The following GLT8D2 variants were observed in gnomAD, a reference collection of about 807,000 sequenced individuals.
The protein encoded by GLT8D2 is glycosyltransferase 8 domain containing 2.
In GLT8D2, 45 loss-of-function variants were observed where a neutral mutation model predicts 44.5. The ratio of observed to expected loss-of-function variants is 1.01; its 90% CI spans 0.80 to 1.30. The LOEUF (loss-of-function observed/expected upper bound fraction) is 1.30, where lower values mean the gene tolerates loss of function less well. Among genes scored for constraint, GLT8D2 ranks in the 50% most tolerant of loss-of-function variants. GLT8D2 has a pLI of 0.00. For missense variants in GLT8D2, 400 were observed against 430.4 expected (o/e 0.93, Z 0.62); for synonymous variants, 156 against 157.2 (o/e 0.99, Z 0.06).
At chr12:104,009,419 T>C (rs1875525844) in intron 4 of GLT8D2, among the ~76,000 whole-genome samples, 1 of 152,264 alleles carries the variant, frequency 6.6e-6, no homozygotes, top group Admixed American at 6.5e-5. Context: ...TGGCTGTATT[T>C]ACCAAATACC....
chr12:104,037,859 C>T (rs1189362673), intron 1 of GLT8D2, among the ~76,000 whole-genome samples: 1 of 152,156 alleles, frequency 6.6e-6, no homozygotes, highest in African/African-American at 2.4e-5. Flanking sequence ...GAATTTTAGA[C>T]CAATATCCCT....
chr12:104,057,073 C>T (rs1038739548), intron 1 of GLT8D2, among the ~76,000 whole-genome samples: 1 of 152,122 alleles, frequency 6.6e-6, no homozygotes, highest in African/African-American at 2.4e-5. Context: ...TGTTCAACTC[C>T]AGATGGGCAT....
At chr12:104,056,439 G>A (rs907044698) in intron 1 of GLT8D2, among the ~76,000 whole-genome samples, 4 of 152,202 alleles carry the variant, frequency 2.6e-5, no homozygotes, top group Non-Finnish European at 5.9e-5. Flanking sequence ...GCCACCTCCA[G>A]CACCAGATTC....
At chr12:104,051,081 T>C (rs1310478764), upstream of GLT8D2, among the ~76,000 whole-genome samples, 3 of 152,024 alleles carry the variant, frequency 2.0e-5, no homozygotes, top group African/African-American at 7.2e-5. Flanking sequence ...CCCAAAGTGC[T>C]GGGATTACAG....
At chr12:104,025,667 T>C (rs1320185420) in intron 1 of GLT8D2, among the ~76,000 whole-genome samples, 1 of 152,256 alleles carries the variant, frequency 6.6e-6, no homozygotes, top group Non-Finnish European at 1.5e-5. Flanking sequence ...TCATGAAATG[T>C]AGATTAAACT....
At chr12:104,016,759 GAAA>G (rs1876760517) in intron 3 of GLT8D2, among the ~76,000 whole-genome samples, 1 of 95,860 alleles carries the variant, frequency 1.0e-5, no homozygotes, top group Non-Finnish European at 2.2e-5. Flanking sequence ...AAGAAAGAAA[GAAA>G]GAAAGAAAGA....
upstream of GLT8D2, among the ~76,000 whole-genome samples, chr12:104,051,522 A>G (rs1881727133): frequency 6.6e-6 from 1 of 152,154 alleles, no homozygotes; most frequent in Admixed American, 6.5e-5. Context: ...TGATGTTTCA[A>G]TATACAATGT....
intron 4 of GLT8D2, chr12:104,012,895 C>A: frequency 1.5e-6 from 1 of 674,092 alleles, no homozygotes; most frequent in Non-Finnish European, 2.7e-6. Context: ...AGAGAAAAGG[C>A]CACGTGAGGA....
upstream of GLT8D2, among the ~76,000 whole-genome samples, chr12:104,053,397 G>A (rs912225122): frequency 6.6e-6 from 1 of 152,186 alleles, no homozygotes; most frequent in Non-Finnish European, 1.5e-5. Flanking sequence ...AAGAAACAGA[G>A]GATATGCATG....
At chr12:104,004,224 G>A (rs997031198) in intron 4 of GLT8D2, among the ~76,000 whole-genome samples, 6 of 152,008 alleles carry the variant, frequency 3.9e-5, no homozygotes, top group African/African-American at 1.2e-4. Context: ...TTGATGGGAC[G>A]TATCTCAAAA....
chr12:104,033,559 G>T (rs956369804), intron 1 of GLT8D2, among the ~76,000 whole-genome samples: 1 of 152,082 alleles, frequency 6.6e-6, no homozygotes, highest in Non-Finnish European at 1.5e-5. Flanking sequence ...AGATGAGCAA[G>T]TTCTGGAGAC....
chr12:103,996,595 T>A, intron 8 of GLT8D2, 140 bp downstream of exon 8: 2 of 625,230 alleles, frequency 3.2e-6, no homozygotes, highest in Non-Finnish European at 2.9e-6. Context: ...CAGACCCCTG[T>A]ACTGTTCCAC....
intron 9 of GLT8D2, chr12:103,994,089 A>G (rs1302478269): frequency 7.7e-6 from 2 of 260,314 alleles, no homozygotes; most frequent in African/African-American, 4.4e-5. Context: ...ACATTTTTCA[A>G]CAGCTTACTA....
At position 103,992,473 on chromosome 12, in the gene GLT8D2, T is replaced by TTCTCTC. The variant is rs748084033; in HGVS notation, c.880+913_880+918dup. Reference sequence around the variant, plus strand: ...GGTTTTGAAGTTTTGACAGTGAAAGTTCTCTCTCTCTCTCTCTCTTTTTTT... The same window carrying TTCTCTC: ...GGTTTTGAAGTTTTGACAGTGAAAGTTCTCTCTCTCTCTCTCTCTCTCTCTTTTTTT... On this transcript the variant is annotated intron_variant, in intron 10 of 10. Transcript: ENST00000360814. 6.3e-3 allele frequency among the ~76,000 whole-genome samples: 953 copies of TTCTCTC among 150,296 alleles called. 12 individuals carry two copies. The highest frequency in any genetic ancestry group is 0.021 in the African/African-American group (864 of 40,796).
chr12:104,049,265 T>C lies in GLT8D2; in HGVS notation c.-164+630A>G, dbSNP rs562609010. On this transcript the variant is annotated intron_variant, in intron 1 of 10. Coordinates refer to ENST00000360814, the MANE Select transcript of GLT8D2 (RefSeq NM_001384711.1). ...ACTCTCTCTCAGGTTTTTTTTTTTTTACTCTCATGTTAACTATCCTTCTTA... is the reference window on the plus strand; with the variant it reads ...ACTCTCTCTCAGGTTTTTTTTTTTTCACTCTCATGTTAACTATCCTTCTTA... 5.3e-5 allele frequency among the ~76,000 whole-genome samples: 8 copies of C among 152,188 alleles called. 1 individual carries two copies. Among genetic ancestry groups the C allele is most frequent in the African/African-American group, 1.9e-4 (8 of 41,526 alleles).
At chr12:104,015,437 A>ACACACACACAC (rs1373206430) in intron 3 of GLT8D2, among the ~76,000 whole-genome samples, 35 of 81,008 alleles carry the variant, frequency 4.3e-4, no homozygotes, top group African/African-American at 1.2e-3. Flanking sequence ...CACACACACA[A>ACACACACACAC]ATTAGCTGGG....
At chr12:104,046,740 C>T (rs2136501617) in intron 1 of GLT8D2, among the ~76,000 whole-genome samples, 1 of 152,280 alleles carries the variant, frequency 6.6e-6, no homozygotes, top group African/African-American at 2.4e-5. Context: ...GGAGTCTGTC[C>T]TCTAACAAAA....
At chr12:104,031,649 T>G in intron 1 of GLT8D2, 1 of 1,047,624 alleles carries the variant, frequency 9.5e-7, no homozygotes, top group African/African-American at 1.6e-5. Context: ...GTAGACATCT[T>G]GAGTTGTAGC....
intron 1 of GLT8D2, among the ~76,000 whole-genome samples, chr12:104,028,466 A>G (rs1878840261): frequency 6.6e-6 from 1 of 152,214 alleles, no homozygotes. Context: ...ACTAAAGTCA[A>G]GTGGAAAATC....
Sources: allele counts gnomAD v4.1 joint callset (sites outside exome capture counted in the v4.1 genomes callset), GRCh38; gene constraint gnomAD v4.1.1; transcripts MANE v1.5; gene names NCBI Gene and HGNC (gene_info 2026-07-23, HGNC 2026-07-21).